EPS15: variants seen among roughly 807,000 people sequenced by gnomAD.
EPS15 encodes epidermal growth factor receptor substrate 15.
In EPS15, 72 loss-of-function variants were observed where a neutral mutation model predicts 113.8. The observed-to-expected ratio is 0.63, with a 90% CI of 0.52 to 0.77. The LOEUF (loss-of-function observed/expected upper bound fraction) is 0.77. Among genes scored for constraint, EPS15 ranks in the 30% least tolerant of loss-of-function variants. EPS15 has a pLI of 0.00. For missense variants in EPS15, 1,048 were observed against 1,045.8 expected, an observed-to-expected ratio of 1.00 and a Z score of -0.03; for synonymous variants, 344 against 363.4, an observed-to-expected ratio of 0.95 and a Z score of 0.61.
intron 1 of EPS15, among the ~76,000 whole-genome samples, chr1:51,512,843 CTTTTT>C (rs59750666): frequency 2.5e-5 from 3 of 118,708 alleles, no homozygotes; most frequent in South Asian, 5.2e-4. Flanking sequence ...TGAGCAATAT[CTTTTT>C]TTTTTTTTTT....
At chr1:51,464,714 T>A (rs1474040759) in intron 6 of EPS15, among the ~76,000 whole-genome samples, 2 of 152,166 alleles carry the variant, frequency 1.3e-5, no homozygotes, top group African/African-American at 4.8e-5. Context: ...TCCCACACTT[T>A]TAAAACTTAG....
At position 51,471,744 on chromosome 1, in the gene EPS15, T is replaced by A; in HGVS notation, c.166-7A>T. On this transcript the variant is annotated splice_polypyrimidine_tract_variant and splice_region_variant and intron_variant, in intron 3 of 24. Transcript: ENST00000371733. ...TGTCGGCTAAATCCCAAATCTGAAA[T>A]TTAGGGGGAAAAAATATCAATGTAT... 6.3e-7 allele frequency: 1 copy of A among 1,599,958 alleles called. No individual in the cohort carries two copies. The highest frequency in any genetic ancestry group is 1.1e-5 in the South Asian group (1 of 90,208).
chr1:51,472,583 A>T (rs1655320224), intron 3 of EPS15, among the ~76,000 whole-genome samples: 1 of 152,194 alleles, frequency 6.6e-6, no homozygotes, highest in Admixed American at 6.6e-5. Context: ...CAAGATTCCC[A>T]GTCTTCACTG....
chr1:51,389,657 C>A (rs1328609693), intron 21 of EPS15, among the ~76,000 whole-genome samples: 2 of 152,268 alleles, frequency 1.3e-5, no homozygotes, highest in Non-Finnish European at 2.9e-5. Context: ...AAATCACAAG[C>A]ATTCTTATAC....
chr1:51,429,643 G>GT (rs57230294), intron 12 of EPS15, among the ~76,000 whole-genome samples: 2,592 of 129,888 alleles, frequency 0.02, 30 homozygotes, highest in Middle Eastern at 0.039. Context: ...GTTGTTGTTG[G>GT]TTTTTTTTTT....
At chr1:51,498,297 G>T (rs944409085) in intron 1 of EPS15, among the ~76,000 whole-genome samples, 1 of 152,118 alleles carries the variant, frequency 6.6e-6, no homozygotes, top group Non-Finnish European at 1.5e-5. Flanking sequence ...GTGCTCAGTG[G>T]TATCAATGTT....
At chr1:51,389,117 A>G (rs1647185951) in intron 21 of EPS15, among the ~76,000 whole-genome samples, 1 of 152,220 alleles carries the variant, frequency 6.6e-6, no homozygotes, top group Admixed American at 6.5e-5. Context: ...AAGCTTATCC[A>G]CCATGATCAA....
intron 1 of EPS15, among the ~76,000 whole-genome samples, chr1:51,516,717 T>C (rs1430723303): frequency 6.6e-6 from 1 of 152,172 alleles, no homozygotes; most frequent in African/African-American, 2.4e-5. Flanking sequence ...TAGTACATAA[T>C]AGGTACTATA....
intron 21 of EPS15, among the ~76,000 whole-genome samples, chr1:51,391,496 A>T (rs1647361294): frequency 6.6e-6 from 1 of 151,552 alleles, no homozygotes; most frequent in South Asian, 2.1e-4. Context: ...AATAAAATAA[A>T]AGATTTGTCA....
At chr1:51,399,817 G>C (rs766859673) in intron 19 of EPS15, among the ~76,000 whole-genome samples, 2 of 151,904 alleles carry the variant, frequency 1.3e-5, no homozygotes, top group Middle Eastern at 3.4e-3. Context: ...AGTCAAGACC[G>C]CACTACTTGT....
chr1:51,427,491 T>G (rs1651330531), intron 12 of EPS15, among the ~76,000 whole-genome samples: 2 of 152,136 alleles, frequency 1.3e-5, no homozygotes, highest in African/African-American at 4.8e-5. Context: ...ATAATTACAA[T>G]GCAGTGTACT....
intron 1 of EPS15, among the ~76,000 whole-genome samples, chr1:51,488,114 A>T (rs1644158802): frequency 1.3e-5 from 2 of 152,226 alleles, no homozygotes; most frequent in South Asian, 4.1e-4. Flanking sequence ...ACACATCCTA[A>T]TTATATAATA....
At chr1:51,425,897 G>A (rs1454460737) in intron 12 of EPS15, among the ~76,000 whole-genome samples, 1 of 152,040 alleles carries the variant, frequency 6.6e-6, no homozygotes, top group East Asian at 1.9e-4. Flanking sequence ...TTTGTTAAAA[G>A]GAATTATGGG....
chr1:51,462,802 A>G (rs572662494), intron 7 of EPS15, among the ~76,000 whole-genome samples: 1 of 152,120 alleles, frequency 6.6e-6, no homozygotes, highest in Admixed American at 6.6e-5. Flanking sequence ...TTAAGATGTT[A>G]AATTTCATGA....
chr1:51,441,210 G>A (rs1652573598), intron 11 of EPS15, among the ~76,000 whole-genome samples: 1 of 152,142 alleles, frequency 6.6e-6, no homozygotes, highest in East Asian at 1.9e-4. Flanking sequence ...AATGTGATGT[G>A]ACATCAGTCT....
At chr1:51,497,035 A>G (rs973686406) in intron 1 of EPS15, among the ~76,000 whole-genome samples, 2 of 152,226 alleles carry the variant, frequency 1.3e-5, no homozygotes, top group Admixed American at 6.5e-5. Context: ...GAGTAACTGA[A>G]TAACAAGAAA....
chr1:51,488,486 A>AACAAAAAAC (rs1553135696), intron 1 of EPS15, among the ~76,000 whole-genome samples: 1 of 150,568 alleles, frequency 6.6e-6, no homozygotes, highest in Non-Finnish European at 1.5e-5. Context: ...AAAAAAAAAA[A>AACAAAAAAC]AAAAAAAAAA....
intron 1 of EPS15, among the ~76,000 whole-genome samples, chr1:51,487,807 C>T (rs984193991): frequency 5.3e-5 from 8 of 152,122 alleles, no homozygotes; most frequent in Admixed American, 4.6e-4. Flanking sequence ...TGTGATACAG[C>T]TAAGTGAGAA....
chr1:51,416,651 A>T (rs1020083553), intron 13 of EPS15, among the ~76,000 whole-genome samples: 13 of 152,172 alleles, frequency 8.5e-5, no homozygotes, highest in Non-Finnish European at 1.3e-4. Context: ...AAATTTAAAC[A>T]AATACCTAAG....
Sources: gnomAD v4.1 joint callset for allele counts (sites outside exome capture counted in the v4.1 genomes callset) on GRCh38, gnomAD v4.1.1 for gene constraint, MANE v1.5 for transcripts, NCBI Gene and HGNC (gene_info 2026-07-23, HGNC 2026-07-21) for gene names.